Variants in OTUD3 observed in about 807,000 individuals in gnomAD.
The protein encoded by OTUD3 is OTU domain-containing protein 3.
OTUD3 carries 24 observed loss-of-function variants against 46.2 expected under a neutral mutation model. That is an observed-to-expected ratio of 0.52 (90% CI 0.38 to 0.73). The LOEUF is 0.73. OTUD3 is among the 30% of genes least tolerant of loss of function. OTUD3 has a pLI of 0.00. For missense variants in OTUD3, 455 were observed against 523.3 expected, an observed-to-expected ratio of 0.87 and a Z score of 1.27; for synonymous variants, 189 against 195.4, an observed-to-expected ratio of 0.97 and a Z score of 0.27.
Position 19,882,542 on chromosome 1 carries a change from GGCCGGGCAGCGGCA to G in OTUD3, c.35_48del (p.Gly12GlufsTer67), listed in dbSNP as rs2045281833. ...TCCCGAAAGCAGGCGGCGAAGAGCC[GGCCGGGCAGCGGCA>G]GCCGGAAAGCCGAGGCCGAGCGCAA... is the stretch of plus-strand genomic sequence containing the variant. On this transcript the variant is annotated frameshift_variant, in exon 1 of 8. Coordinates refer to ENST00000375120, the MANE Select transcript of OTUD3 (RefSeq NM_015207.2). LOFTEE classifies it high-confidence loss of function. 2 of 1,345,648 alleles carry G rather than the reference GGCCGGGCAGCGGCA, an allele frequency of 1.5e-6. No individual in the cohort carries two copies. The highest frequency in any genetic ancestry group is 1.9e-6 in the Non-Finnish European group (2 of 1,057,012). 83.4% of individuals were successfully genotyped at this position (1,345,648 alleles called of 1,614,324 possible).
In OTUD3 at chr1:19,911,379, C is replaced by G. The variant is rs1241389655; in HGVS notation, c.*3633C>G. ...TTTTATAAGTTATGTTTTCCTGGCT[C>G]TAAAGTAAATTTTTTTTTTTTTTTT... On this transcript the variant is annotated 3_prime_UTR_variant, in exon 8 of 8. Transcript: ENST00000375120. 1 of 146,944 alleles carries G rather than the reference C, an allele frequency of 6.8e-6. No homozygotes were observed. The highest frequency in any genetic ancestry group is 2.6e-5 in the African/African-American group (1 of 39,090). 9.1% of individuals were successfully genotyped at this position (146,944 alleles called of 1,614,324 possible).
At position 19,897,661 on chromosome 1, in the gene OTUD3, A is replaced by G; in HGVS notation, c.605A>G (p.Asp202Gly). Residue 202 changes from aspartate to glycine, a missense_variant and splice_region_variant, in exon 4 of 8, where the codon GAT (aspartate) becomes GGT (glycine). Physicochemically the swap from Asp to Gly is moderately conservative, Grantham distance 94. Transcript: ENST00000375120. ...GAGGCACCTGCACATCTCCAGACGG[A>G]TGTGAGTGAGGCCTCGGATTTCTCC... ...NSEAPAHLQT[D>G]FQMLHQDESN... 1 of 1,611,910 alleles carries G rather than the reference A, an allele frequency of 6.2e-7. No homozygotes were observed. Among genetic ancestry groups the G allele is most frequent in the Non-Finnish European group, 8.5e-7 (1 of 1,179,074 alleles).
At chr1:19,890,999 A>G (rs2045438439) in intron 2 of OTUD3, among the ~76,000 whole-genome samples, 1 of 152,260 alleles carries the variant, frequency 6.6e-6, no homozygotes, top group Non-Finnish European at 1.5e-5. Flanking sequence ...GTTTTTGGTG[A>G]AGATTAAATT....
intron 1 of OTUD3, among the ~76,000 whole-genome samples, chr1:19,886,716 A>G (rs1295781523): frequency 6.6e-6 from 1 of 152,246 alleles, no homozygotes; most frequent in African/African-American, 2.4e-5. Flanking sequence ...AGTATGCAAC[A>G]TAACCACCTG....
chr1:19,886,510 T>C (rs1156651664), intron 1 of OTUD3, among the ~76,000 whole-genome samples: 2 of 152,214 alleles, frequency 1.3e-5, no homozygotes, highest in Non-Finnish European at 2.9e-5. Flanking sequence ...GGTGCCATAC[T>C]AGAATATCTG....
intron 2 of OTUD3, among the ~76,000 whole-genome samples, chr1:19,893,837 C>T (rs562158710): frequency 4.5e-4 from 68 of 152,330 alleles, no homozygotes; most frequent in African/African-American, 1.4e-3. Context: ...GTGAACTCCG[C>T]GAGGGCAAAT....
Position 19,907,728 on chromosome 1 carries a change from C to T in OTUD3, c.1179C>T (p.Phe393=), listed in dbSNP as rs766860295. Residue 393 remains phenylalanine, a synonymous_variant, in exon 8 of 8, where the codon TTC becomes TTT. Coordinates refer to ENST00000375120, the MANE Select transcript of OTUD3 (RefSeq NM_015207.2). ...CGCAGGTCACCTTGGTGAAGACCTTCGCCGCTCTCAACATCTGACTCTTTG... is the reference window on the plus strand; with the variant it reads ...CGCAGGTCACCTTGGTGAAGACCTTTGCCGCTCTCAACATCTGACTCTTTG... ...ANTQVTLVKT[F]AALNI The T allele has an allele frequency of 1.7e-5, 28 of 1,614,066 alleles. No homozygotes were observed. The highest frequency in any genetic ancestry group is 2.2e-5 in the Non-Finnish European group (26 of 1,180,030).
chr1:19,907,528 T>A, intron 7 of OTUD3, 42 bp from the exon 8 acceptor site: 1 of 1,590,366 alleles, frequency 6.3e-7, no homozygotes, highest in Non-Finnish European at 8.6e-7. Context: ...GCAGCTTGAG[T>A]CCCCCGTGCT....
At chr1:19,890,965 T>A (rs571553345) in intron 2 of OTUD3, among the ~76,000 whole-genome samples, 1 of 152,342 alleles carries the variant, frequency 6.6e-6, no homozygotes, top group Non-Finnish European at 1.5e-5. Flanking sequence ...AGAAGGGAGA[T>A]AATAATAGCA....
At chr1:19,890,575 A>G in intron 2 of OTUD3, 42 bp downstream of exon 2, 4 of 1,582,390 alleles carry the variant, frequency 2.5e-6, no homozygotes, top group Middle Eastern at 1.7e-4. Context: ...GGAGTAATGC[A>G]TTGGGTAATT....
Position 19,910,784 on chromosome 1 carries a change from C to G in OTUD3, c.*3038C>G, listed in dbSNP as rs2045724110. 6.6e-6 allele frequency: 1 copy of G among 152,324 alleles called. No homozygotes were observed. The highest frequency in any genetic ancestry group is 2.4e-5 in the African/African-American group (1 of 41,426). The allele number at this position is 152,324 out of a possible 1,614,324, so 9.4% of individuals were successfully genotyped here. A position where few individuals can be genotyped will look rare whatever the true frequency, so the allele number is the denominator to read the frequency against. On this transcript the variant is annotated 3_prime_UTR_variant, in exon 8 of 8. Transcript: ENST00000375120. ...AATTTATTATGCCTGCCCTGCTTCC[C>G]CCAGGGAGCTGCTTCAGTGTGAAAT...
chr1:19,888,487 A>G (rs1011201521), intron 1 of OTUD3, among the ~76,000 whole-genome samples: 1 of 152,236 alleles, frequency 6.6e-6, no homozygotes, highest in African/African-American at 2.4e-5. Context: ...AGCTCAAAGA[A>G]AGTTTGGTAA....
chr1:19,883,962 C>T (rs544273395), intron 1 of OTUD3, among the ~76,000 whole-genome samples: 1 of 152,306 alleles, frequency 6.6e-6, no homozygotes, highest in Admixed American at 6.5e-5. Context: ...CCACACTTTG[C>T]TGCGTTGCTG....
At chr1:19,885,767 A>T (rs1007925331) in intron 1 of OTUD3, among the ~76,000 whole-genome samples, 22 of 152,220 alleles carry the variant, frequency 1.4e-4, no homozygotes, top group African/African-American at 5.3e-4. Context: ...GGATTCTTTT[A>T]TTAATGTTTA....
Position 19,910,050 on chromosome 1 carries a change from G to T in OTUD3, c.*2304G>T, listed in dbSNP as rs972509724. 2.2e-4 allele frequency: 34 copies of T among 152,324 alleles called. No homozygotes were observed. The highest frequency in any genetic ancestry group is 1.2e-3 in the Admixed American group (19 of 15,278). The allele number at this position is 152,324 out of a possible 1,614,324, so 9.4% of individuals were successfully genotyped here. A position where few individuals can be genotyped will look rare whatever the true frequency, so the allele number is the denominator to read the frequency against. On this transcript the variant is annotated 3_prime_UTR_variant, in exon 8 of 8. Coordinates refer to ENST00000375120, the MANE Select transcript of OTUD3 (RefSeq NM_015207.2). The stretch of plus-strand genomic sequence containing the variant: ...TTTCAATTTAGACTTCACTGCCTCA[G>T]TCTCACTGGGTACATGAGAAGGTTG...
In OTUD3 at chr1:19,907,633, C is replaced by G; in HGVS notation, c.1084C>G (p.His362Asp). 6.2e-7 allele frequency: 1 copy of G among 1,614,118 alleles called. No individual in the cohort carries two copies. Among genetic ancestry groups the G allele is most frequent in the Non-Finnish European group, 8.5e-7 (1 of 1,180,026 alleles). Residue 362 changes from histidine (H) to aspartate (D), a missense_variant, in exon 8 of 8, where the codon CAC (histidine) becomes GAC (aspartate). His to Asp is a moderately conservative substitution (Grantham distance 81). Transcript: ENST00000375120. ...GAAGAAGAAGCGGCAGGAGGAGAGGCACCGCCACAAAGCCCTGGAGAGCAG... is the reference window on the plus strand; with the variant it reads ...GAAGAAGAAGCGGCAGGAGGAGAGGGACCGCCACAAAGCCCTGGAGAGCAG... Reference protein sequence around the residue: ...MEKKKRQEERHRHKALESRGS... With the variant: ...MEKKKRQEERDRHKALESRGS...
chr1:19,900,866 A>G (rs564605981), intron 4 of OTUD3, among the ~76,000 whole-genome samples: 7 of 151,170 alleles, frequency 4.6e-5, no homozygotes, highest in African/African-American at 1.7e-4. Flanking sequence ...AATGAATGTT[A>G]GAATCAATGT....
intron 7 of OTUD3, chr1:19,907,047 G>C (rs1260662191): frequency 6.1e-6 from 1 of 162,840 alleles, no homozygotes; most frequent in Non-Finnish European, 1.3e-5. Context: ...ATCTTTTAAA[G>C]GCTTTTGGTA....
intron 2 of OTUD3, 80 bp downstream of exon 2, chr1:19,890,613 A>G: frequency 7.9e-7 from 1 of 1,265,774 alleles, no homozygotes; most frequent in Non-Finnish European, 1.1e-6. Flanking sequence ...CCCCCCTCCC[A>G]GCCAAGGGTT....
Sources: gnomAD v4.1 joint callset for allele counts (sites outside exome capture counted in the v4.1 genomes callset) on GRCh38, gnomAD v4.1.1 for gene constraint, MANE v1.5 for transcripts, NCBI Gene and HGNC (gene_info 2026-07-23, HGNC 2026-07-21) for gene names.